The following MGAT4C variants were observed in gnomAD, a reference collection of about 807,000 sequenced individuals.
MGAT4C encodes alpha-1,3-mannosyl-glycoprotein 4-beta-N-acetylglucosaminyltransferase C.
Under a neutral mutation model 40.1 loss-of-function variants are expected in MGAT4C, and 19 were observed. That is an observed-to-expected ratio of 0.47 (90% CI 0.33 to 0.70). The LOEUF is 0.70. Ranked by LOEUF, MGAT4C falls within the 30% of genes least tolerant of loss-of-function variation. The pLI is 0.02. For missense variants in MGAT4C, 491 were observed against 563.2 expected (o/e 0.87, Z 1.30); for synonymous variants, 181 against 187.1 (o/e 0.97, Z 0.27).
intron 2 of MGAT4C, among the ~76,000 whole-genome samples, chr12:86,470,223 T>C (rs1338722180): frequency 6.6e-6 from 1 of 152,198 alleles, no homozygotes; most frequent in African/African-American, 2.4e-5. Flanking sequence ...TAATTTACAG[T>C]CTTGCTTACT....
chr12:86,406,960 G>A (rs1421188839), intron 3 of MGAT4C, among the ~76,000 whole-genome samples: 2 of 152,036 alleles, frequency 1.3e-5, no homozygotes, highest in Non-Finnish European at 1.5e-5. Flanking sequence ...AGTCCCATAC[G>A]ATTGTCCTCA....
At chr12:86,824,070 C>A (rs967656308) in intron 1 of MGAT4C, among the ~76,000 whole-genome samples, 5 of 151,212 alleles carry the variant, frequency 3.3e-5, no homozygotes, top group African/African-American at 1.2e-4. Context: ...ACCATCCTAC[C>A]CAGAGCATAA....
chr12:86,620,067 T>C (rs1962588305), intron 2 of MGAT4C, among the ~76,000 whole-genome samples: 1 of 152,032 alleles, frequency 6.6e-6, no homozygotes, highest in Non-Finnish European at 1.5e-5. Flanking sequence ...TCAACAGATG[T>C]TGGTGAGGAT....
intron 1 of MGAT4C, among the ~76,000 whole-genome samples, chr12:86,112,609 G>A (rs1015917125): frequency 1.3e-5 from 2 of 151,656 alleles, no homozygotes; most frequent in Non-Finnish European, 3.0e-5. Flanking sequence ...TTTAGCAAAT[G>A]AATGTGCATA....
chr12:86,317,709 T>C (rs1954277597), intron 4 of MGAT4C, among the ~76,000 whole-genome samples: 1 of 151,904 alleles, frequency 6.6e-6, no homozygotes, highest in African/African-American at 2.4e-5. Context: ...TGGCTAAAAA[T>C]ATAGAAGGTT....
intron 1 of MGAT4C, among the ~76,000 whole-genome samples, chr12:86,068,960 C>T (rs1894820797): frequency 1.3e-5 from 2 of 151,994 alleles, no homozygotes; most frequent in African/African-American, 4.8e-5. Context: ...AGGTGGGAGA[C>T]TCCTTAAAAT....
At chr12:86,121,309 T>G (rs969077055) in intron 1 of MGAT4C, among the ~76,000 whole-genome samples, 1 of 152,132 alleles carries the variant, frequency 6.6e-6, no homozygotes, top group Admixed American at 6.6e-5. Context: ...GGAACCAAGT[T>G]GGAAAACACT....
At chr12:86,468,710 A>T (rs546068889) in intron 2 of MGAT4C, among the ~76,000 whole-genome samples, 2 of 152,224 alleles carry the variant, frequency 1.3e-5, no homozygotes, top group East Asian at 3.9e-4. Flanking sequence ...CCACACTGAG[A>T]TTCTGGCTGT....
intron 1 of MGAT4C, among the ~76,000 whole-genome samples, chr12:86,113,069 C>T (rs1178939519): frequency 6.6e-6 from 1 of 151,482 alleles, no homozygotes; most frequent in East Asian, 1.9e-4. Flanking sequence ...GAGATCCTGG[C>T]CTCAGGTGGA....
intron 1 of MGAT4C, among the ~76,000 whole-genome samples, chr12:86,225,714 G>A (rs572944101): frequency 1.8e-4 from 28 of 152,138 alleles, no homozygotes; most frequent in African/African-American, 6.5e-4. Context: ...CTCAGTAGAT[G>A]CAGAAAAATC....
At chr12:86,667,991 C>T (rs1964157516) in intron 2 of MGAT4C, among the ~76,000 whole-genome samples, 2 of 152,186 alleles carry the variant, frequency 1.3e-5, no homozygotes, top group Admixed American at 6.5e-5. Context: ...CAGCAACTTG[C>T]TATATTCTAA....
intron 2 of MGAT4C, among the ~76,000 whole-genome samples, chr12:86,590,618 A>T (rs1961291950): frequency 6.6e-6 from 1 of 152,036 alleles, no homozygotes; most frequent in Non-Finnish European, 1.5e-5. Flanking sequence ...ATATTTTGTC[A>T]TAATTAACAG....
intron 1 of MGAT4C, among the ~76,000 whole-genome samples, chr12:86,108,017 T>C (rs1876534879): frequency 6.6e-6 from 1 of 152,088 alleles, no homozygotes; most frequent in Non-Finnish European, 1.5e-5. Context: ...TTTCCCTGTA[T>C]GGAAAAGTTG....
At chr12:86,391,120 C>T (rs1956153708) in intron 3 of MGAT4C, among the ~76,000 whole-genome samples, 1 of 152,112 alleles carries the variant, frequency 6.6e-6, no homozygotes, top group Admixed American at 6.6e-5. Context: ...TTGCAACTGT[C>T]AGCAAAGGTA....
At chr12:86,823,831 G>A (rs1952751608) in intron 1 of MGAT4C, among the ~76,000 whole-genome samples, 1 of 151,230 alleles carries the variant, frequency 6.6e-6, no homozygotes, top group African/African-American at 2.4e-5. Context: ...GTGAAACATA[G>A]ATAAGGAGAG....
chr12:86,585,218 A>C (rs548882993), intron 2 of MGAT4C, among the ~76,000 whole-genome samples: 2 of 151,542 alleles, frequency 1.3e-5, no homozygotes, highest in African/African-American at 4.8e-5. Flanking sequence ...TTTCCAAGTA[A>C]TAGCTGCTTT....
intron 3 of MGAT4C, among the ~76,000 whole-genome samples, chr12:86,336,252 T>C (rs935428505): frequency 2.0e-5 from 3 of 152,198 alleles, no homozygotes; most frequent in South Asian, 2.1e-4. Context: ...GAGACAATTA[T>C]ACTTTCCACT....
chr12:86,184,245 C>T (rs936649929), intron 1 of MGAT4C, among the ~76,000 whole-genome samples: 3 of 151,790 alleles, frequency 2.0e-5, no homozygotes, highest in Admixed American at 6.6e-5. Flanking sequence ...GGCATGGTGG[C>T]GGCTGCCTAT....
In MGAT4C at chr12:86,386,809, A is replaced by C. The variant is rs552049927; in HGVS notation, c.-120+48348T>G. Among the ~76,000 whole-genome samples, 4 of 152,272 alleles carry C rather than the reference A, an allele frequency of 2.6e-5. No homozygotes were observed. In the South Asian group the frequency reaches 8.3e-4, roughly 32 times the overall value. ...TGAAAGTTGAATTTCATTTTTATAT[A>C]TACAATATCTTGATAGAAATTGTCT... On this transcript the variant is annotated intron_variant, in intron 3 of 7. Coordinates refer to the MGAT4C transcript ENST00000548651.
Sources: gnomAD v4.1 joint callset for allele counts (sites outside exome capture counted in the v4.1 genomes callset) on GRCh38, gnomAD v4.1.1 for gene constraint, MANE v1.5 for transcripts, NCBI Gene and HGNC (gene_info 2026-07-23, HGNC 2026-07-21) for gene names.